Variants in XYLT1 observed in about 807,000 individuals in gnomAD.
XYLT1 encodes xylosyltransferase 1.
A neutral mutation model predicts 91.3 loss-of-function variants in XYLT1; 36 were observed. The observed-to-expected ratio is 0.39, with a 90% confidence interval of 0.30 to 0.52. The LOEUF (loss-of-function observed/expected upper bound fraction) is 0.52, where lower values mean the gene tolerates loss of function less well. Ranked by LOEUF, XYLT1 falls within the 20% of genes least tolerant of loss-of-function variation. XYLT1 has a pLI of 0.68. For missense variants in XYLT1, 1,242 were observed against 1,284.5 expected, an observed-to-expected ratio of 0.97 and a Z score of 0.51; for synonymous variants, 588 against 532.0, an observed-to-expected ratio of 1.11 and a Z score of -1.45.
chr16:17,398,410 C>T (rs1366404013), intron 1 of XYLT1, among the ~76,000 whole-genome samples: 3 of 152,160 alleles, frequency 2.0e-5, no homozygotes, highest in Non-Finnish European at 4.4e-5. Flanking sequence ...GCTGAAACTT[C>T]GGTGGCCTAC....
intron 2 of XYLT1, among the ~76,000 whole-genome samples, chr16:17,313,272 G>C (rs1168579249): frequency 1.3e-5 from 2 of 152,330 alleles, no homozygotes; most frequent in African/African-American, 4.8e-5. Flanking sequence ...AGGAAGCTGG[G>C]CTGCTCAGCC....
intron 2 of XYLT1, among the ~76,000 whole-genome samples, chr16:17,277,414 G>C (rs2033993948): frequency 6.6e-6 from 1 of 151,928 alleles, no homozygotes; most frequent in Non-Finnish European, 1.5e-5. Context: ...TGTTTTTCCA[G>C]ACAAAGTCTC....
At chr16:17,348,598 G>A (rs1349624436) in intron 2 of XYLT1, among the ~76,000 whole-genome samples, 1 of 152,154 alleles carries the variant, frequency 6.6e-6, no homozygotes, top group Non-Finnish European at 1.5e-5. Flanking sequence ...ACGAGGTCAC[G>A]CATATAAAGT....
intron 1 of XYLT1, among the ~76,000 whole-genome samples, chr16:17,372,730 C>T (rs1406308726): frequency 2.0e-5 from 3 of 152,114 alleles, no homozygotes; most frequent in Non-Finnish European, 4.4e-5. Context: ...GTACAAATGC[C>T]GGCTCAATTA....
At position 17,258,992 on chromosome 16, in the gene XYLT1, G is replaced by A. The variant is rs142514907; in HGVS notation, c.909C>T (p.Leu303=). ...GCCAGCGGGGTTGGAACTTACCCTC[G>A]AGGGGGCAGAACCGAGTCACCTTCT... ...MPEKVTRFCP[L]EGKANKNVQW... The change falls in exon 3 of 12, where the codon CTC becomes CTT. Residue 303 remains leucine, a synonymous_variant. Transcript: ENST00000261381. 9.4e-6 allele frequency: 14 copies of A among 1,496,610 alleles called. No homozygotes were observed. The highest frequency in any genetic ancestry group is 4.3e-5 in the South Asian group (3 of 70,246). 92.7% of individuals were successfully genotyped at this position (1,496,610 alleles called of 1,614,324 possible).
At chr16:17,198,516 G>T in intron 4 of XYLT1, 102 bp from the exon 5 acceptor site, 2 of 1,137,162 alleles carry the variant, frequency 1.8e-6, no homozygotes, top group Non-Finnish European at 1.2e-6. Flanking sequence ...TCCTGGTTGG[G>T]CACTTCTGAG....
chr16:17,348,191 T>C (rs2035171567), intron 2 of XYLT1, among the ~76,000 whole-genome samples: 1 of 152,092 alleles, frequency 6.6e-6, no homozygotes, highest in Non-Finnish European at 1.5e-5. Context: ...ACATGTTTCA[T>C]CTTGCTAACA....
chr16:17,127,022 G>A (rs1397289740), intron 10 of XYLT1, among the ~76,000 whole-genome samples: 1 of 152,206 alleles, frequency 6.6e-6, no homozygotes, highest in Admixed American at 6.5e-5. Context: ...GATGGAGAAT[G>A]TAGCTATTGC....
chr16:17,134,815 G>C (rs1043998624), intron 8 of XYLT1, 80 bp from the exon 9 acceptor site: 7 of 1,542,362 alleles, frequency 4.5e-6, no homozygotes, highest in Non-Finnish European at 6.2e-6. Flanking sequence ...CATATCCTGT[G>C]GTTAGAAGCA....
At chr16:17,371,081 G>A (rs895048714) in intron 1 of XYLT1, among the ~76,000 whole-genome samples, 2 of 152,212 alleles carry the variant, frequency 1.3e-5, no homozygotes, top group African/African-American at 2.4e-5. Flanking sequence ...TAGACAGGTT[G>A]TAAAGTAACG....
chr16:17,435,990 G>A (rs917505666), intron 1 of XYLT1, among the ~76,000 whole-genome samples: 5 of 152,262 alleles, frequency 3.3e-5, no homozygotes, highest in Admixed American at 2.0e-4. Flanking sequence ...TGCCAAGGGC[G>A]GGGCCAGGTG....
At chr16:17,200,112 T>C (rs919626375) in intron 4 of XYLT1, among the ~76,000 whole-genome samples, 1 of 151,874 alleles carries the variant, frequency 6.6e-6, no homozygotes, top group Non-Finnish European at 1.5e-5. Flanking sequence ...TCCCAGCTAC[T>C]TGGGAGGCTG....
chr16:17,248,156 G>A (rs1365440957), intron 3 of XYLT1, among the ~76,000 whole-genome samples: 1 of 152,168 alleles, frequency 6.6e-6, no homozygotes, highest in Non-Finnish European at 1.5e-5. Flanking sequence ...TCGTGATAGT[G>A]AATAAGTCTC....
chr16:17,438,610 T>C (rs141966297), intron 1 of XYLT1, among the ~76,000 whole-genome samples: 1 of 152,202 alleles, frequency 6.6e-6, no homozygotes, highest in East Asian at 1.9e-4. Context: ...GACTGGATAA[T>C]TTATGAAGAA....
chr16:17,207,987 TTTTC>T (rs1487520620), intron 3 of XYLT1, among the ~76,000 whole-genome samples: 1 of 152,136 alleles, frequency 6.6e-6, no homozygotes, highest in African/African-American at 2.4e-5. Context: ...AATGACTTTT[TTTTC>T]TTTTTCTTTT....
chr16:17,350,110 G>A (rs905891520), intron 2 of XYLT1, among the ~76,000 whole-genome samples: 1 of 152,234 alleles, frequency 6.6e-6, no homozygotes, highest in Admixed American at 6.5e-5. Flanking sequence ...TCCTGACCTC[G>A]TGATCCGCCT....
chr16:17,240,575 G>A (rs2033330219), intron 3 of XYLT1, among the ~76,000 whole-genome samples: 1 of 152,216 alleles, frequency 6.6e-6, no homozygotes, highest in African/African-American at 2.4e-5. Flanking sequence ...TATTCAGGAT[G>A]TAGAATTGGA....
chr16:17,289,745 G>C (rs1266895800), intron 2 of XYLT1, among the ~76,000 whole-genome samples: 1 of 152,044 alleles, frequency 6.6e-6, no homozygotes, highest in Non-Finnish European at 1.5e-5. Flanking sequence ...CCAAAAAAAA[G>C]TTTGCAAAAA....
intron 1 of XYLT1, among the ~76,000 whole-genome samples, chr16:17,428,752 G>T (rs1393702408): frequency 1.3e-5 from 2 of 152,154 alleles, no homozygotes; most frequent in Non-Finnish European, 2.9e-5. Context: ...ACCAAACTAG[G>T]TCTCTTTTTT....
Sources: allele counts gnomAD v4.1 joint callset (sites outside exome capture counted in the v4.1 genomes callset), GRCh38; gene constraint gnomAD v4.1.1; transcripts MANE v1.5; gene names NCBI Gene and HGNC (gene_info 2026-07-23, HGNC 2026-07-21).